Variants in CDH23 observed in about 807,000 individuals in gnomAD.
CDH23 encodes the protein cadherin related 23.
In CDH23, 189 loss-of-function variants were observed where a neutral mutation model predicts 317.1. The ratio of observed to expected loss-of-function variants is 0.60; its 90% CI spans 0.53 to 0.67. The LOEUF (loss-of-function observed/expected upper bound fraction) is 0.67. Ranked by LOEUF, CDH23 falls within the 30% of genes least tolerant of loss-of-function variation. The probability of loss-of-function intolerance (pLI) is 0.00; values close to 1 mark genes in which losing one functional copy is unlikely to be tolerated. For missense variants in CDH23, 4,401 were observed against 4,592.4 expected, an observed-to-expected ratio of 0.96 and a Z score of 1.20; for synonymous variants, 1,839 against 1,876.8, an observed-to-expected ratio of 0.98 and a Z score of 0.52.
intron 6 of CDH23, among the ~76,000 whole-genome samples, chr10:71,514,517 C>A (rs1264393130): frequency 6.6e-6 from 1 of 152,074 alleles, no homozygotes; most frequent in African/African-American, 2.4e-5. Context: ...CTAGGCATTG[C>A]CCCGCTGCCT....
chr10:71,647,308 C>T (rs71479412), intron 14 of CDH23, among the ~76,000 whole-genome samples: 2,960 of 152,218 alleles, frequency 0.019, 41 homozygotes, highest in Non-Finnish European at 0.03. Context: ...ACTAAAAATA[C>T]AAAAATTAGC....
Position 71,812,576 on chromosome 10 carries a change from C to T in CDH23, c.9477C>T (p.Ile3159=), listed in dbSNP as rs757612979. 8 of 1,613,932 alleles carry T rather than the reference C, an allele frequency of 5.0e-6. No individual in the cohort carries two copies. The South Asian group carries it at 6.6e-5, about 13-fold the overall frequency. ...ACCTACCGGAGAACCTGAGTGAGAT[C>T]GCCGACCTGTGGAACAGCCCCACGC... ...EDDLPENLSE[I]ADLWNSPTRT... Residue 3159 remains isoleucine (I), a synonymous_variant, in exon 67 of 70, where the codon ATC becomes ATT. Transcript: ENST00000224721.
intron 11 of CDH23, among the ~76,000 whole-genome samples, chr10:71,642,080 A>G (rs1453483695): frequency 4.9e-5 from 7 of 144,154 alleles, no homozygotes; most frequent in African/African-American, 1.8e-4. Flanking sequence ...TGGGCAACAG[A>G]GCAAGCTTCC....
At position 71,712,666 on chromosome 10, in the gene CDH23, C is replaced by CAACG; in HGVS notation, c.3223_3226dup (p.Gly1076GlufsTer23). The CAACG allele has an allele frequency of 6.2e-7, 1 of 1,613,442 alleles. No individual in the cohort carries two copies. Among genetic ancestry groups the CAACG allele is most frequent in the Non-Finnish European group, 8.5e-7 (1 of 1,179,768 alleles). ...CCTGTCTTCCTTCAACTCCCACAGA[C>CAACG]AACGGCCCTGTAGGGAAGCGACACA... On this transcript the variant is annotated frameshift_variant and splice_region_variant, in exon 28 of 70. Coordinates refer to ENST00000224721, the MANE Select transcript of CDH23 (RefSeq NM_022124.6). LOFTEE classifies it high-confidence loss of function.
chr10:71,666,771 G>A (rs1425240855), intron 14 of CDH23, among the ~76,000 whole-genome samples: 1 of 152,134 alleles, frequency 6.6e-6, no homozygotes, highest in Non-Finnish European at 1.5e-5. Flanking sequence ...CTGGGCTACC[G>A]GGTTCCTGCA....
chr10:71,765,791 G>T (rs1840526109), intron 38 of CDH23, among the ~76,000 whole-genome samples: 1 of 152,144 alleles, frequency 6.6e-6, no homozygotes, highest in Admixed American at 6.5e-5. Context: ...GAAAAAAGCT[G>T]TCTTAGGATT....
intron 6 of CDH23, among the ~76,000 whole-genome samples, chr10:71,555,138 AT>A (rs1856808741): frequency 1.3e-5 from 2 of 152,160 alleles, no homozygotes; most frequent in Non-Finnish European, 2.9e-5. Context: ...ATGACTCTAA[AT>A]AGCTAAGAAC....
chr10:71,431,696 C>G (rs1048240891), intron 1 of CDH23, among the ~76,000 whole-genome samples: 1 of 152,232 alleles, frequency 6.6e-6, no homozygotes, highest in East Asian at 1.9e-4. Flanking sequence ...CTCTCACTCC[C>G]GAGAAACTGA....
intron 6 of CDH23, among the ~76,000 whole-genome samples, chr10:71,530,034 G>GACACACACAC (rs57652121): frequency 0.063 from 8,803 of 140,822 alleles, 358 homozygotes; most frequent in East Asian, 0.14. Context: ...CACACATACA[G>GACACACACAC]ACACACACAC....
intron 3 of CDH23, among the ~76,000 whole-genome samples, chr10:71,480,381 G>C (rs949405310): frequency 6.6e-6 from 1 of 152,258 alleles, no homozygotes. Context: ...ACAGTGGTGA[G>C]CAGGATGCAG....
intron 3 of CDH23, among the ~76,000 whole-genome samples, chr10:71,461,442 G>A (rs763765576): frequency 8.5e-5 from 13 of 152,240 alleles, no homozygotes; most frequent in Admixed American, 1.3e-4. Flanking sequence ...CCTTTTCTCC[G>A]GAAGAGGTGT....
At chr10:71,536,027 A>G (rs142185696) in intron 6 of CDH23, among the ~76,000 whole-genome samples, 1 of 152,360 alleles carries the variant, frequency 6.6e-6, no homozygotes, top group East Asian at 1.9e-4. Context: ...CGAGATCTGC[A>G]TGGGCTGGGG....
intron 20 of CDH23, among the ~76,000 whole-genome samples, chr10:71,691,802 G>A (rs188012881): frequency 2.1e-4 from 32 of 152,182 alleles, no homozygotes; most frequent in Admixed American, 3.9e-4. Context: ...TGGCCAGCAG[G>A]GCATCAGCTC....
intron 48 of CDH23, chr10:71,796,160 A>T: frequency 1.1e-6 from 1 of 876,840 alleles, no homozygotes; most frequent in Non-Finnish European, 1.4e-6. Context: ...AGGGAATCTC[A>T]GATACCCCTG....
At position 71,793,444 on chromosome 10, in the gene CDH23, C is replaced by T. The variant is rs1044518653; in HGVS notation, c.6516C>T (p.Pro2172=). The T allele has an allele frequency of 6.2e-6, 10 of 1,613,880 alleles. No homozygotes were observed. Among genetic ancestry groups the T allele is most frequent in the South Asian group, 3.3e-5 (3 of 91,080 alleles). ...ILIDDINDSR[P]EFLNPIQTVS... is the part of the protein sequence containing the mutation. ...TCGATGACATCAATGACTCCCGCCC[C>T]GAGTTCCTCAACCCCATCCAGACAG... The change falls in exon 48 of 70, where the codon CCC becomes CCT. Residue 2172 remains proline, a synonymous_variant. Coordinates refer to ENST00000224721, the MANE Select transcript of CDH23 (RefSeq NM_022124.6).
chr10:71,731,119 G>A (rs930418334), intron 31 of CDH23, among the ~76,000 whole-genome samples: 2 of 152,012 alleles, frequency 1.3e-5, no homozygotes, highest in African/African-American at 2.4e-5. Flanking sequence ...CCCCAGAGGC[G>A]GCCACAGCCC....
At chr10:71,802,862 G>A (rs998569363) in intron 53 of CDH23, 36 bp from the exon 54 acceptor site, 1 of 1,612,380 alleles carries the variant, frequency 6.2e-7, no homozygotes, top group Non-Finnish European at 8.5e-7. Context: ...GCCCCATCCT[G>A]CTCCTTACCT....
intron 38 of CDH23, chr10:71,755,116 A>C (rs1449868159): frequency 1.5e-6 from 1 of 648,706 alleles, no homozygotes; most frequent in South Asian, 1.5e-5. Context: ...ACATGTATTG[A>C]GTGCCGAGCC....
At chr10:71,431,357 G>A (rs1265237954) in intron 1 of CDH23, among the ~76,000 whole-genome samples, 2 of 152,138 alleles carry the variant, frequency 1.3e-5, no homozygotes, top group East Asian at 3.9e-4. Context: ...GGGATCCAGG[G>A]GAGGGTGCAA....
Sources: gnomAD v4.1 joint callset for allele counts (sites outside exome capture counted in the v4.1 genomes callset) on GRCh38, gnomAD v4.1.1 for gene constraint, MANE v1.5 for transcripts, NCBI Gene and HGNC (gene_info 2026-07-23, HGNC 2026-07-21) for gene names.